The following PPP2R3A variants were observed in gnomAD, a reference collection of about 807,000 sequenced individuals.
PPP2R3A encodes the protein serine/threonine-protein phosphatase 2A regulatory subunit B'' subunit alpha.
Under a neutral mutation model 106.9 loss-of-function variants are expected in PPP2R3A, and 80 were observed. The observed-to-expected ratio is 0.75, with a 90% confidence interval of 0.62 to 0.90. PPP2R3A has a LOEUF of 0.90. PPP2R3A is among the 40% of genes least tolerant of loss of function. The pLI is 0.00. For synonymous variants in PPP2R3A, 483 were observed against 468.3 expected (o/e 1.03, Z -0.41); for missense variants, 1,386 against 1,350.4 (o/e 1.03, Z -0.41).
Position 136,099,480 on chromosome 3 carries a change from A to ACAG in PPP2R3A, c.2928-2526_2928-2524dup, listed in dbSNP as rs529339781. Among the ~76,000 whole-genome samples the ACAG allele has an allele frequency of 4.4e-3, 674 of 152,320 alleles. 7 individuals carry two copies. Among genetic ancestry groups the ACAG allele is most frequent in the South Asian group, 0.034 (164 of 4,832 alleles). ...GAAGAAATTAGAGTACAGGACATGA[A>ACAG]CAGAATGATACTTTCTATGAAAGGA... On this transcript the variant is annotated intron_variant, in intron 10 of 13. Transcript: ENST00000264977.
At chr3:136,075,446 G>T (rs1292939680) in intron 6 of PPP2R3A, among the ~76,000 whole-genome samples, 1 of 152,178 alleles carries the variant, frequency 6.6e-6, no homozygotes, top group African/African-American at 2.4e-5. Flanking sequence ...TGCTGAATCA[G>T]TGATGTGGAA....
chr3:136,062,263 C>T (rs35946332), intron 5 of PPP2R3A, among the ~76,000 whole-genome samples: 100,176 of 151,964 alleles, frequency 0.66, 35,152 homozygotes, highest in African/African-American at 0.9. Flanking sequence ...ATACATGAGA[C>T]CTAAGACACA....
intron 2 of PPP2R3A, among the ~76,000 whole-genome samples, chr3:136,009,879 A>T (rs1016879481): frequency 5.3e-5 from 8 of 152,098 alleles, no homozygotes; most frequent in Non-Finnish European, 2.9e-5. Context: ...TTCTCTGTCT[A>T]CTTTGAGCTT....
At chr3:136,136,094 A>ATAT (rs1169806652) in intron 13 of PPP2R3A, among the ~76,000 whole-genome samples, 2 of 142,258 alleles carry the variant, frequency 1.4e-5, no homozygotes, top group Admixed American at 6.9e-5. Flanking sequence ...ATATATATAT[A>ATAT]AAAAACATCA....
chr3:135,980,035 T>C (rs1937517387), intron 1 of PPP2R3A, among the ~76,000 whole-genome samples: 1 of 151,840 alleles, frequency 6.6e-6, no homozygotes, highest in Non-Finnish European at 1.5e-5. Context: ...TGCTTCTCTT[T>C]CTGTATTATG....
chr3:136,136,038 T>A (rs1397404984), intron 13 of PPP2R3A, among the ~76,000 whole-genome samples: 8 of 99,278 alleles, frequency 8.1e-5, no homozygotes, highest in African/African-American at 1.3e-4. Context: ...AGAGCAAGAC[T>A]CCGTCTCAAA....
intron 13 of PPP2R3A, among the ~76,000 whole-genome samples, chr3:136,136,069 A>T (rs1184708414): frequency 0.059 from 3,004 of 50,556 alleles, 302 homozygotes; most frequent in African/African-American, 0.17. Context: ...AAAAAAAAAA[A>T]AAAATTATAT....
At chr3:136,111,259 A>T (rs1471432494) in intron 13 of PPP2R3A, among the ~76,000 whole-genome samples, 1 of 152,198 alleles carries the variant, frequency 6.6e-6, no homozygotes, top group Non-Finnish European at 1.5e-5. Flanking sequence ...TATGGTTCTT[A>T]TTTGTATAAG....
At chr3:136,009,696 A>G (rs907002652) in intron 2 of PPP2R3A, among the ~76,000 whole-genome samples, 2 of 152,134 alleles carry the variant, frequency 1.3e-5, no homozygotes, top group Non-Finnish European at 1.5e-5. Flanking sequence ...GTAGGGCTCA[A>G]CATTTTTTGG....
intron 1 of PPP2R3A, among the ~76,000 whole-genome samples, chr3:135,981,717 A>G (rs1453636655): frequency 1.3e-5 from 2 of 151,824 alleles, no homozygotes; most frequent in Non-Finnish European, 2.9e-5. Flanking sequence ...AAATAAAGCC[A>G]AGAACTCATA....
At chr3:135,994,237 G>A (rs1475778659) in intron 1 of PPP2R3A, among the ~76,000 whole-genome samples, 1 of 152,146 alleles carries the variant, frequency 6.6e-6, no homozygotes, top group Non-Finnish European at 1.5e-5. Flanking sequence ...AATCCACAGT[G>A]GAGACTAGGA....
chr3:135,982,443 G>A (rs1183715613), intron 1 of PPP2R3A, among the ~76,000 whole-genome samples: 1 of 152,154 alleles, frequency 6.6e-6, no homozygotes, highest in Non-Finnish European at 1.5e-5. Flanking sequence ...ACCCTTCAGG[G>A]CACTTGAGGC....
chr3:136,035,946 G>A (rs1267048680), intron 3 of PPP2R3A, among the ~76,000 whole-genome samples: 1 of 151,296 alleles, frequency 6.6e-6, no homozygotes, highest in African/African-American at 2.4e-5. Context: ...TGTCTTTGTT[G>A]GATTGGGTTA....
At chr3:136,140,256 G>A (rs923371406) in intron 13 of PPP2R3A, among the ~76,000 whole-genome samples, 2 of 152,024 alleles carry the variant, frequency 1.3e-5, no homozygotes, top group African/African-American at 2.4e-5. Context: ...AATTCCTGGA[G>A]AGCAGGATAA....
chr3:136,140,840 G>A (rs540848160), intron 13 of PPP2R3A, among the ~76,000 whole-genome samples: 33 of 152,204 alleles, frequency 2.2e-4, no homozygotes, highest in Admixed American at 9.2e-4. Context: ...AACCTGGGAG[G>A]CGGAGGGTGC....
intron 13 of PPP2R3A, among the ~76,000 whole-genome samples, chr3:136,138,664 CAT>C (rs1938719410): frequency 7.5e-6 from 1 of 134,008 alleles, no homozygotes; most frequent in Non-Finnish European, 1.5e-5. Flanking sequence ...ATTTCTGAAG[CAT>C]TATAGACTCC....
chr3:136,011,514 T>C (rs1321883523), intron 2 of PPP2R3A, among the ~76,000 whole-genome samples: 1 of 152,184 alleles, frequency 6.6e-6, no homozygotes, highest in Non-Finnish European at 1.5e-5. Flanking sequence ...AAAGGTAATT[T>C]TTCTAAATTC....
chr3:136,030,825 TACACAC>T (rs375422855), intron 3 of PPP2R3A, among the ~76,000 whole-genome samples: 5 of 142,360 alleles, frequency 3.5e-5, no homozygotes, highest in Non-Finnish European at 6.0e-5. Flanking sequence ...TATGTATGTA[TACACAC>T]ACACACACAC....
In PPP2R3A at chr3:136,002,232, A is replaced by C; in HGVS notation, c.734A>C (p.Lys245Thr). ...TTGAAATGCTCCGAGGATTTAAAAA[A>C]ATGCACAGACATCATAAAACAATGC... ...ILLKCSEDLKKCTDIIKQCIK... is the reference protein window; with the variant it reads ...ILLKCSEDLKTCTDIIKQCIK... The change falls in exon 2 of 14, where the codon AAA becomes ACA. Residue 245 changes from lysine (K) to threonine (T), a missense_variant. Transcript: ENST00000264977. 1 of 1,613,814 alleles carries C rather than the reference A, an allele frequency of 6.2e-7. No homozygotes were observed. Among genetic ancestry groups the C allele is most frequent in the Non-Finnish European group, 8.5e-7 (1 of 1,179,924 alleles).
Sources: allele counts gnomAD v4.1 joint callset (sites outside exome capture counted in the v4.1 genomes callset), GRCh38; gene constraint gnomAD v4.1.1; transcripts MANE v1.5; gene names NCBI Gene and HGNC (gene_info 2026-07-23, HGNC 2026-07-21).